MUSK: variants seen among roughly 807,000 people sequenced by gnomAD.
MUSK encodes muscle, skeletal receptor tyrosine-protein kinase.
A neutral mutation model predicts 88.7 loss-of-function variants in MUSK; 55 were observed. That is an observed-to-expected ratio of 0.62 (90% CI 0.50 to 0.78). The LOEUF (loss-of-function observed/expected upper bound fraction) is 0.78, where lower values mean the gene tolerates loss of function less well. Ranked by LOEUF, MUSK falls within the 30% of genes least tolerant of loss-of-function variation. The pLI is 0.00. For missense variants in MUSK, 1,015 were observed against 1,074.3 expected (o/e 0.94, Z 0.77); for synonymous variants, 387 against 391.9 (o/e 0.99, Z 0.15).
At chr9:110,683,318 T>C (rs1259722359) in intron 2 of MUSK, among the ~76,000 whole-genome samples, 1 of 152,152 alleles carries the variant, frequency 6.6e-6, no homozygotes, top group African/African-American at 2.4e-5. Context: ...ATCTCATTCT[T>C]TTTATGGCTG....
Position 110,801,155 on chromosome 9 carries a change from T to C in MUSK, c.*167T>C, listed in dbSNP as rs1053797599. 3.7e-6 allele frequency: 2 copies of C among 534,400 alleles called. No homozygotes were observed. Among genetic ancestry groups the C allele is most frequent in the Non-Finnish European group, 6.1e-6 (2 of 326,064 alleles). The allele number at this position is 534,400 out of a possible 1,614,324, so 33.1% of individuals were successfully genotyped here. Reference sequence around the variant, plus strand: ...GAGCAAAGACAGTGCAAAACCCATGTGGTAGACGGACCCATTGAAAGCCAG... The same window carrying C: ...GAGCAAAGACAGTGCAAAACCCATGCGGTAGACGGACCCATTGAAAGCCAG... On this transcript the variant is annotated 3_prime_UTR_variant, in exon 15 of 15. Transcript: ENST00000374448.
At chr9:110,675,215 CTTTTT>C (rs386415865) in intron 1 of MUSK, among the ~76,000 whole-genome samples, 306 of 88,344 alleles carry the variant, frequency 3.5e-3, no homozygotes, top group Admixed American at 5.9e-3. Context: ...CACATTGCCT[CTTTTT>C]TTTTTTTTTT....
intron 5 of MUSK, among the ~76,000 whole-genome samples, chr9:110,721,087 C>T (rs981447422): frequency 1.3e-5 from 2 of 152,092 alleles, no homozygotes; most frequent in Non-Finnish European, 2.9e-5. Context: ...AAAAGACATA[C>T]CTTAAGGTAA....
At position 110,767,794 on chromosome 9, in the gene MUSK, G is replaced by C. The variant is rs767875673; in HGVS notation, c.921-26G>C. 2.5e-6 allele frequency: 4 copies of C among 1,613,182 alleles called. No homozygotes were observed. In the South Asian group the frequency reaches 4.4e-5, roughly 18 times the overall value. ...AATGCCAAGAAATAGCATGTGATTA[G>C]AAATGTTGTTCATTTCTTCTTTCAG... On this transcript the variant is annotated intron_variant, in intron 8 of 14. Coordinates refer to ENST00000374448, the MANE Select transcript of MUSK (RefSeq NM_005592.4).
chr9:110,681,178 ATATT>A (rs1210268174), intron 1 of MUSK, among the ~76,000 whole-genome samples: 1 of 87,472 alleles, frequency 1.1e-5, no homozygotes, highest in Non-Finnish European at 2.2e-5. Context: ...ATTATAATAT[ATATT>A]ATAACAATCC....
At chr9:110,788,716 A>G (rs567249212) in intron 14 of MUSK, among the ~76,000 whole-genome samples, 1 of 152,198 alleles carries the variant, frequency 6.6e-6, no homozygotes, top group South Asian at 2.1e-4. Context: ...AAAAAAAACA[A>G]AAATATGGGA....
intron 1 of MUSK, among the ~76,000 whole-genome samples, chr9:110,676,335 TAC>T (rs911327886): frequency 7.3e-6 from 1 of 136,366 alleles, no homozygotes; most frequent in Non-Finnish European, 1.7e-5. Context: ...TATATACACA[TAC>T]ACACACATAT....
intron 5 of MUSK, among the ~76,000 whole-genome samples, chr9:110,732,762 C>G (rs528229286): frequency 6.6e-6 from 1 of 152,034 alleles, no homozygotes; most frequent in South Asian, 2.1e-4. Flanking sequence ...TCTCTTTTTG[C>G]CTTGAAGACA....
chr9:110,723,699 T>C (rs557988928), intron 5 of MUSK, among the ~76,000 whole-genome samples: 1 of 152,218 alleles, frequency 6.6e-6, no homozygotes, highest in Non-Finnish European at 1.5e-5. Flanking sequence ...AAAATTTTGA[T>C]TCAGTAACCT....
At chr9:110,673,662 A>G (rs1335100246) in intron 1 of MUSK, among the ~76,000 whole-genome samples, 4 of 152,130 alleles carry the variant, frequency 2.6e-5, no homozygotes, top group Admixed American at 6.6e-5. Context: ...AGTTCATGTG[A>G]CATCTCCAGT....
intron 3 of MUSK, among the ~76,000 whole-genome samples, chr9:110,689,758 A>AATATAT (rs2076281282): frequency 2.4e-5 from 1 of 42,194 alleles, no homozygotes; most frequent in African/African-American, 8.1e-5. Flanking sequence ...TATTATATAT[A>AATATAT]AACTATATAT....
At chr9:110,701,816 T>C (rs2076523719) in intron 5 of MUSK, among the ~76,000 whole-genome samples, 1 of 1,728 alleles carries the variant, frequency 5.8e-4, no homozygotes, top group Admixed American at 9.3e-3. Context: ...TTTATTTTAT[T>C]TTATTTTATT....
chr9:110,730,384 GTAATT>G (rs1163663414), intron 5 of MUSK, among the ~76,000 whole-genome samples: 1 of 151,964 alleles, frequency 6.6e-6, no homozygotes, highest in Non-Finnish European at 1.5e-5. Context: ...AACTTACTAA[GTAATT>G]TAATGTTCCT....
intron 7 of MUSK, among the ~76,000 whole-genome samples, chr9:110,757,389 G>A (rs1157993565): frequency 6.6e-6 from 1 of 151,086 alleles, no homozygotes; most frequent in East Asian, 2.0e-4. Flanking sequence ...AACCTGGGAG[G>A]CAAAGGTTAC....
chr9:110,681,040 A>ATTATATAT, intron 1 of MUSK, among the ~76,000 whole-genome samples: 1 of 43,752 alleles, frequency 2.3e-5, no homozygotes, highest in African/African-American at 1.6e-4. Flanking sequence ...TATATATTAT[A>ATTATATAT]TAATATATAT....
Position 110,687,785 on chromosome 9 carries a change from C to T in MUSK, c.358+517C>T, listed in dbSNP as rs142348631. On this transcript the variant is annotated intron_variant, in intron 3 of 14. Coordinates refer to ENST00000374448, the MANE Select transcript of MUSK (RefSeq NM_005592.4). The stretch of plus-strand genomic sequence containing the variant: ...CTATCAACCACTACCCTAAGGCAAG[C>T]CTCTCAATTCTCTATCCTCTCCCAT... 2.3e-3 allele frequency among the ~76,000 whole-genome samples: 357 copies of T among 152,152 alleles called. 5 individuals are homozygous for T. The highest frequency in any genetic ancestry group is 0.022 in the South Asian group (104 of 4,826).
chr9:110,672,747 C>A (rs1300128024), intron 1 of MUSK, among the ~76,000 whole-genome samples: 1 of 151,972 alleles, frequency 6.6e-6, no homozygotes, highest in Non-Finnish European at 1.5e-5. Context: ...TAGAAAGGAG[C>A]AAATACACCT....
At chr9:110,704,748 G>A (rs1182907665) in intron 5 of MUSK, among the ~76,000 whole-genome samples, 1 of 151,984 alleles carries the variant, frequency 6.6e-6, no homozygotes, top group Admixed American at 6.6e-5. Context: ...CACTTTGGGA[G>A]GCCGAGGTGG....
At position 110,801,477 on chromosome 9, in the gene MUSK, C is replaced by G. The variant is rs1457216350; in HGVS notation, c.*489C>G. The stretch of plus-strand genomic sequence containing the variant: ...GAAAAGCCACTCATTCTGTCTCCCC[C>G]CAAAGACGAGTCTTAGTGTTTTATT... On this transcript the variant is annotated 3_prime_UTR_variant, in exon 15 of 15. Coordinates refer to ENST00000374448, the MANE Select transcript of MUSK (RefSeq NM_005592.4). The G allele has an allele frequency of 1.3e-5, 2 of 152,470 alleles. No homozygotes were observed. The highest frequency in any genetic ancestry group is 6.5e-5 in the Admixed American group (1 of 15,282). 9.4% of individuals were successfully genotyped at this position (152,470 alleles called of 1,614,324 possible). A position where few individuals can be genotyped will look rare whatever the true frequency, so the allele number is the denominator to read the frequency against.
Sources: gnomAD v4.1 joint callset for allele counts (sites outside exome capture counted in the v4.1 genomes callset) on GRCh38, gnomAD v4.1.1 for gene constraint, MANE v1.5 for transcripts, NCBI Gene and HGNC (gene_info 2026-07-23, HGNC 2026-07-21) for gene names.